MVB12B: variants seen among roughly 807,000 people sequenced by gnomAD.
The protein encoded by MVB12B is ESCRT-I complex subunit MVB12B.
MVB12B carries 16 observed loss-of-function variants against 41.6 expected under a neutral mutation model. That is an observed-to-expected ratio of 0.38 (90% CI 0.26 to 0.58). The LOEUF is 0.58. Ranked by LOEUF, MVB12B falls within the 20% of genes least tolerant of loss-of-function variation. MVB12B has a pLI of 0.62. For synonymous variants in MVB12B, 133 were observed against 139.7 expected (o/e 0.95, Z 0.34); for missense variants, 274 against 380.2 (o/e 0.72, Z 2.32).
intron 8 of MVB12B, 60 bp from the exon 9 acceptor site, chr9:126,483,913 G>A: frequency 1.3e-6 from 2 of 1,565,460 alleles, no homozygotes; most frequent in Non-Finnish European, 1.8e-6. Context: ...ATGCATAAAA[G>A]TAAGTGTGGG....
chr9:126,422,279 C>T (rs1034880654), intron 7 of MVB12B, among the ~76,000 whole-genome samples: 17 of 152,218 alleles, frequency 1.1e-4, no homozygotes, highest in African/African-American at 2.4e-5. Context: ...TCGGGAGCAG[C>T]GCCGAGCTGA....
At chr9:126,433,126 T>C (rs1206586842) in intron 7 of MVB12B, among the ~76,000 whole-genome samples, 1 of 152,106 alleles carries the variant, frequency 6.6e-6, no homozygotes, top group Non-Finnish European at 1.5e-5. Context: ...AACTGAACCC[T>C]TCTGTGCCTT....
intron 2 of MVB12B, among the ~76,000 whole-genome samples, chr9:126,347,530 A>T (rs1335083166): frequency 6.6e-6 from 1 of 152,220 alleles, no homozygotes; most frequent in African/African-American, 2.4e-5. Context: ...ATGCGGGACT[A>T]TGGGGGTCCT....
At chr9:126,483,901 TCATG>T in intron 8 of MVB12B, 68 bp from the exon 9 acceptor site, 1 of 1,502,868 alleles carries the variant, frequency 6.7e-7, no homozygotes, top group South Asian at 1.1e-5. Flanking sequence ...GTTACCATTG[TCATG>T]CATAAAAGTA....
chr9:126,431,734 A>G (rs1457530523), intron 7 of MVB12B, among the ~76,000 whole-genome samples: 1 of 152,192 alleles, frequency 6.6e-6, no homozygotes, highest in African/African-American at 2.4e-5. Context: ...TGGATGAAGC[A>G]GGGTGGGAGC....
At chr9:126,460,433 C>T (rs980870150) in intron 7 of MVB12B, among the ~76,000 whole-genome samples, 1 of 152,210 alleles carries the variant, frequency 6.6e-6, no homozygotes, top group Admixed American at 6.5e-5. Context: ...CAGCTCACAT[C>T]CAGCTGTGCT....
chr9:126,452,975 T>G (rs1032325902), intron 7 of MVB12B, among the ~76,000 whole-genome samples: 2 of 152,080 alleles, frequency 1.3e-5, no homozygotes, highest in Non-Finnish European at 2.9e-5. Context: ...TGAGGTTTAA[T>G]TTTTAAAAGC....
intron 7 of MVB12B, among the ~76,000 whole-genome samples, chr9:126,429,704 G>C (rs1400408692): frequency 6.6e-6 from 1 of 152,152 alleles, no homozygotes; most frequent in Non-Finnish European, 1.5e-5. Flanking sequence ...TATTCATGTA[G>C]GCCTGGCTAA....
At chr9:126,489,654 C>T (rs543899420) in intron 9 of MVB12B, among the ~76,000 whole-genome samples, 57 of 152,346 alleles carry the variant, frequency 3.7e-4, no homozygotes, top group South Asian at 2.1e-4. Flanking sequence ...CCAACTCAAA[C>T]GCCGTCACCC....
rs1408260634 is a variant in MVB12B at position 126,389,320 on chromosome 9, G to A, written c.409+2662G>A. ...ATGATCAGCTCTGTATCATCTGAGA[G>A]TATTCAAGACCCTGATTTTATACAG... On this transcript the variant is annotated intron_variant, in intron 4 of 9. Coordinates refer to ENST00000361171, the MANE Select transcript of MVB12B (RefSeq NM_033446.3). This position sits in a 1 kb window ranked among gnomAD's most constrained non-coding sequence, Gnocchi z 4.4. Among the ~76,000 whole-genome samples, 1 of 152,142 alleles carries A rather than the reference G, an allele frequency of 6.6e-6. No individual in the cohort carries two copies. Among genetic ancestry groups the A allele is most frequent in the East Asian group, 1.9e-4 (1 of 5,198 alleles).
At chr9:126,495,069 G>A (rs1162086830) in intron 9 of MVB12B, among the ~76,000 whole-genome samples, 1 of 152,010 alleles carries the variant, frequency 6.6e-6, no homozygotes, top group East Asian at 1.9e-4. Context: ...GTGCATGCCT[G>A]TAGTCCCAGC....
At chr9:126,338,190 A>G (rs1284875573) in intron 1 of MVB12B, among the ~76,000 whole-genome samples, 3 of 152,000 alleles carry the variant, frequency 2.0e-5, no homozygotes, top group African/African-American at 7.2e-5. Context: ...AGCTGGGGGG[A>G]AGGAGGGAGA....
intron 6 of MVB12B, among the ~76,000 whole-genome samples, chr9:126,420,169 G>C (rs906617872): frequency 1.3e-5 from 2 of 152,126 alleles, no homozygotes; most frequent in African/African-American, 2.4e-5. Context: ...AGTTTTTCTT[G>C]TTCTCCGAGC....
At chr9:126,375,490 C>G (rs1322935000) in intron 2 of MVB12B, among the ~76,000 whole-genome samples, 2 of 149,626 alleles carry the variant, frequency 1.3e-5, no homozygotes, top group Non-Finnish European at 3.0e-5. Context: ...TCTAAATGCT[C>G]TCCCCTCCAC....
At chr9:126,470,022 A>T (rs148266132) in intron 7 of MVB12B, among the ~76,000 whole-genome samples, 2 of 152,368 alleles carry the variant, frequency 1.3e-5, no homozygotes, top group East Asian at 3.9e-4. Context: ...TAAAAACATA[A>T]GGCCCTAGGT....
chr9:126,395,520 C>G lies in MVB12B; in HGVS notation c.540-55C>G, dbSNP rs1831086187. On this transcript the variant is annotated intron_variant, in intron 5 of 9. Transcript: ENST00000361171. The surrounding 1 kb of genome is among the most constrained non-coding windows in gnomAD (Gnocchi z 4.9). ...AAATGAATTGGTTTGCTTTGTCACTCAGGTAAATGCTTTGTGCTAACCAGA... is the reference window on the plus strand; with the variant it reads ...AAATGAATTGGTTTGCTTTGTCACTGAGGTAAATGCTTTGTGCTAACCAGA... 1.3e-6 allele frequency: 2 copies of G among 1,588,842 alleles called. No individual in the cohort carries two copies. Among genetic ancestry groups the G allele is most frequent in the Non-Finnish European group, 1.7e-6 (2 of 1,165,312 alleles).
At chr9:126,345,024 C>G (rs759653966) in intron 2 of MVB12B, among the ~76,000 whole-genome samples, 5 of 152,228 alleles carry the variant, frequency 3.3e-5, no homozygotes, top group Non-Finnish European at 5.9e-5. Flanking sequence ...ACATTGAAAG[C>G]ATAGCATATG....
At chr9:126,385,462 T>C (rs576587387) in intron 3 of MVB12B, among the ~76,000 whole-genome samples, 37 of 152,262 alleles carry the variant, frequency 2.4e-4, no homozygotes, top group African/African-American at 8.9e-4. Context: ...TTGGCTCCCA[T>C]GTGCAGAGAT....
At chr9:126,346,314 G>A (rs754179922) in intron 2 of MVB12B, among the ~76,000 whole-genome samples, 6 of 152,124 alleles carry the variant, frequency 3.9e-5, no homozygotes, top group African/African-American at 7.2e-5. Context: ...CTGTGGGAGC[G>A]TGGGACGTGG....
Sources: gnomAD v4.1 joint callset for allele counts (sites outside exome capture counted in the v4.1 genomes callset) on GRCh38, gnomAD v4.1.1 for gene constraint, Gnocchi (gnomAD v3.1) non-coding constraint, MANE v1.5 for transcripts, NCBI Gene and HGNC (gene_info 2026-07-23, HGNC 2026-07-21) for gene names.